PHC3: variants seen among roughly 807,000 people sequenced by gnomAD.
The protein encoded by PHC3 is polyhomeotic-like protein 3.
A neutral mutation model predicts 107.4 loss-of-function variants in PHC3; 13 were observed. The ratio of observed to expected loss-of-function variants is 0.12; its 90% CI spans 0.08 to 0.19. The LOEUF (loss-of-function observed/expected upper bound fraction) is 0.19, where lower values mean the gene tolerates loss of function less well. Among genes scored for constraint, PHC3 ranks in the 10% least tolerant of loss-of-function variants. The probability of loss-of-function intolerance (pLI) is 1.00; values close to 1 mark genes in which losing one functional copy is unlikely to be tolerated. For missense variants in PHC3, 992 were observed against 1,210.9 expected (o/e 0.82, Z 2.68); for synonymous variants, 456 against 427.4 (o/e 1.07, Z -0.83).
At chr3:170,143,016 A>G (rs1724352599) in intron 6 of PHC3, among the ~76,000 whole-genome samples, 1 of 152,074 alleles carries the variant, frequency 6.6e-6, no homozygotes. Flanking sequence ...TCTACAGAAA[A>G]AAATACAAAG....
intron 4 of PHC3, chr3:170,170,010 T>G (rs1333023001): frequency 6.6e-6 from 1 of 150,842 alleles, no homozygotes; most frequent in Non-Finnish European, 1.5e-5. Context: ...CTTTTTAAAC[T>G]AATCTTGTTC....
chr3:170,103,942 C>A (rs775563465), intron 12 of PHC3, among the ~76,000 whole-genome samples: 3 of 152,160 alleles, frequency 2.0e-5, no homozygotes, highest in Non-Finnish European at 2.9e-5. Flanking sequence ...TGCTGGCACA[C>A]ACCTGTAGTC....
intron 4 of PHC3, among the ~76,000 whole-genome samples, chr3:170,164,394 C>T (rs1462270156): frequency 6.6e-6 from 1 of 152,166 alleles, no homozygotes; most frequent in Non-Finnish European, 1.5e-5. Context: ...CAACCTCCTT[C>T]CTCAGAGATG....
chr3:170,146,243 C>T (rs1253172571), intron 5 of PHC3, among the ~76,000 whole-genome samples: 1 of 151,746 alleles, frequency 6.6e-6, no homozygotes, highest in Non-Finnish European at 1.5e-5. Context: ...GGTGTGGTGG[C>T]TCATGCCTGT....
At chr3:170,117,150 G>C (rs531489227) in intron 10 of PHC3, 76 bp downstream of exon 10, 4 of 1,541,686 alleles carry the variant, frequency 2.6e-6, no homozygotes, top group African/African-American at 2.8e-5. Flanking sequence ...CTTTTTATTA[G>C]AGAACAGTAA....
intron 4 of PHC3, among the ~76,000 whole-genome samples, chr3:170,161,844 G>A (rs966266167): frequency 1.4e-4 from 22 of 152,276 alleles, no homozygotes; most frequent in African/African-American, 4.8e-4. Flanking sequence ...CTTCGAATCA[G>A]TTCTATCAGA....
intron 9 of PHC3, among the ~76,000 whole-genome samples, chr3:170,119,567 CA>C (rs1577042692): frequency 6.6e-6 from 1 of 151,914 alleles, no homozygotes; most frequent in East Asian, 1.9e-4. Context: ...TCATGTATTA[CA>C]ATAGAAGAGA....
chr3:170,178,702 T>C, intron 2 of PHC3, 71 bp downstream of exon 2: 2 of 1,505,258 alleles, frequency 1.3e-6, no homozygotes, highest in Non-Finnish European at 1.8e-6. Context: ...AAACAATACA[T>C]AAATCCAGCT....
chr3:170,122,814 GA>G (rs775746759), intron 8 of PHC3, 70 bp from the exon 9 acceptor site: 15 of 1,524,862 alleles, frequency 9.8e-6, no homozygotes, highest in African/African-American at 2.8e-5. Flanking sequence ...CTTAATTTCA[GA>G]AAATTAAATT....
In PHC3 at chr3:170,096,574, C is replaced by T. The variant is rs1013188887; in HGVS notation, c.*656G>A. ...AACTGACCTCCACTGAGAACCACTGCTCTAAATAAATGTACAAAAACTGAG... is the reference window on the plus strand; with the variant it reads ...AACTGACCTCCACTGAGAACCACTGTTCTAAATAAATGTACAAAAACTGAG... On this transcript the variant is annotated 3_prime_UTR_variant, in exon 15 of 15. Coordinates refer to ENST00000495893, the MANE Select transcript of PHC3 (RefSeq NM_024947.4). 1 of 152,134 alleles carries T rather than the reference C, an allele frequency of 6.6e-6. No homozygotes were observed. The highest frequency in any genetic ancestry group is 2.4e-5 in the African/African-American group (1 of 41,434). The allele number at this position is 152,134 out of a possible 1,614,324, so 9.4% of individuals were successfully genotyped here.
At chr3:170,138,609 G>A (rs1045778385) in intron 6 of PHC3, among the ~76,000 whole-genome samples, 1 of 144,582 alleles carries the variant, frequency 6.9e-6, no homozygotes, top group African/African-American at 2.6e-5. Context: ...AGAATTGCTT[G>A]AAACCCGGAG....
intron 10 of PHC3, among the ~76,000 whole-genome samples, chr3:170,115,188 G>A (rs547399396): frequency 6.6e-6 from 1 of 151,964 alleles, no homozygotes; most frequent in East Asian, 1.9e-4. Context: ...TGAAAAAATG[G>A]AAACCTAATG....
At chr3:170,169,458 A>C (rs1427237283) in intron 4 of PHC3, among the ~76,000 whole-genome samples, 1 of 152,180 alleles carries the variant, frequency 6.6e-6, no homozygotes, top group Non-Finnish European at 1.5e-5. Context: ...TGTAATTTTT[A>C]CTGCTAGTCA....
At chr3:170,101,030 C>T (rs1026558874) in intron 14 of PHC3, among the ~76,000 whole-genome samples, 20 of 152,132 alleles carry the variant, frequency 1.3e-4, no homozygotes, top group African/African-American at 4.8e-4. Flanking sequence ...CTCAAGATAG[C>T]TATACTGGTC....
intron 4 of PHC3, 94 bp downstream of exon 4, chr3:170,171,279 T>C: frequency 1.1e-6 from 1 of 914,230 alleles, no homozygotes; most frequent in Non-Finnish European, 1.7e-6. Context: ...ATGCAACAAA[T>C]TATAATAACA....
At chr3:170,107,078 T>A in intron 11 of PHC3, 132 bp from the exon 12 acceptor site, 1 of 543,512 alleles carries the variant, frequency 1.8e-6, no homozygotes, top group Non-Finnish European at 3.2e-6. Flanking sequence ...ACAGCCACTC[T>A]GGCAGGGCAA....
At chr3:170,177,951 G>A (rs1044557123) in intron 2 of PHC3, among the ~76,000 whole-genome samples, 4 of 152,088 alleles carry the variant, frequency 2.6e-5, no homozygotes, top group African/African-American at 7.2e-5. Flanking sequence ...GATTACAGGC[G>A]TGAGCCACCA....
At chr3:170,145,978 G>A (rs929710867) in intron 5 of PHC3, among the ~76,000 whole-genome samples, 3 of 152,160 alleles carry the variant, frequency 2.0e-5, no homozygotes, top group African/African-American at 7.2e-5. Flanking sequence ...TTATCATAAG[G>A]ATAACTATGC....
rs757501584 is a variant in PHC3, at chr3:170,097,216, G to C, written c.*14C>G. On this transcript the variant is annotated 3_prime_UTR_variant, in exon 15 of 15. Transcript: ENST00000495893. This position sits in a 1 kb window ranked among gnomAD's most constrained non-coding sequence, Gnocchi z 4.1. ...AAAGTAAAACTGCTGTTTTATCAAGGCTTCATGTTCCTGTTAAGATTCCTT... is the reference window on the plus strand; with the variant it reads ...AAAGTAAAACTGCTGTTTTATCAAGCCTTCATGTTCCTGTTAAGATTCCTT... 4.4e-6 allele frequency: 7 copies of C among 1,587,470 alleles called. No individual in the cohort carries two copies. Among genetic ancestry groups the C allele is most frequent in the Middle Eastern group, 1.7e-4 (1 of 5,912 alleles).
Sources: allele counts gnomAD v4.1 joint callset (sites outside exome capture counted in the v4.1 genomes callset), GRCh38; gene constraint gnomAD v4.1.1; non-coding constraint Gnocchi (gnomAD v3.1); transcripts MANE v1.5; gene names NCBI Gene and HGNC (gene_info 2026-07-23, HGNC 2026-07-21).